The following TANK variants were observed in gnomAD, a reference collection of about 807,000 sequenced individuals.
The protein encoded by TANK is TRAF family member-associated NF-kappa-B activator.
In TANK, 15 loss-of-function variants were observed where a neutral mutation model predicts 43.6. The observed-to-expected ratio is 0.34, with a 90% CI of 0.23 to 0.53. TANK has a LOEUF of 0.53. TANK is among the 20% of genes least tolerant of loss of function. The probability of loss-of-function intolerance (pLI) is 0.94; values close to 1 mark genes in which losing one functional copy is unlikely to be tolerated. For synonymous variants in TANK, 162 were observed against 178.2 expected (o/e 0.91, Z 0.73); for missense variants, 417 against 498.6 (o/e 0.84, Z 1.56).
intron 6 of TANK, among the ~76,000 whole-genome samples, chr2:161,225,811 G>A (rs1687586301): frequency 6.6e-6 from 1 of 152,054 alleles, no homozygotes. Context: ...TCATTTTATA[G>A]TGTAAATTCA....
chr2:161,214,739 A>G (rs749759981), intron 4 of TANK, among the ~76,000 whole-genome samples: 1 of 152,180 alleles, frequency 6.6e-6, no homozygotes, highest in Non-Finnish European at 1.5e-5. Context: ...CTTACAAGCT[A>G]ATAAGTTAGT....
At chr2:161,214,984 T>A (rs549724438) in intron 4 of TANK, among the ~76,000 whole-genome samples, 10 of 152,314 alleles carry the variant, frequency 6.6e-5, no homozygotes, top group Admixed American at 2.6e-4. Flanking sequence ...CTGCTCTTTG[T>A]CCAAGAGGGA....
Position 161,231,105 on chromosome 2 carries a change from A to G in TANK, c.655A>G (p.Arg219Gly), listed in dbSNP as rs371117404. Residue 219 changes from arginine (R) to glycine (G), a missense_variant, in exon 7 of 8, where the codon AGA becomes GGA. Arg to Gly is a moderately radical substitution (Grantham distance 125). Transcript: ENST00000392749. ...ITSVTPRGLCRDEEDTSFESL... is the reference protein window; with the variant it reads ...ITSVTPRGLCGDEEDTSFESL... ...ATCTGTCACACCAAGAGGACTGTGCAGAGATGAGGAAGACACCTCTTTTGA... is the reference window on the plus strand; with the variant it reads ...ATCTGTCACACCAAGAGGACTGTGCGGAGATGAGGAAGACACCTCTTTTGA... The G allele has an allele frequency of 9.9e-6, 16 of 1,614,080 alleles. No homozygotes were observed. The East Asian group carries it at 1.1e-4, about 11-fold the overall frequency.
chr2:161,212,688 T>G (rs1686944951), intron 4 of TANK: 2 of 985,134 alleles, frequency 2.0e-6, no homozygotes, highest in Non-Finnish European at 2.4e-6. Flanking sequence ...TTTCTCACAC[T>G]TCTCTTTATT....
intron 1 of TANK, among the ~76,000 whole-genome samples, chr2:161,164,252 A>G (rs929961427): frequency 6.6e-6 from 1 of 152,174 alleles, no homozygotes; most frequent in Non-Finnish European, 1.5e-5. Flanking sequence ...ATTGACTGTT[A>G]CTGTTTATCC....
intron 1 of TANK, among the ~76,000 whole-genome samples, chr2:161,141,014 G>A (rs1382238262): frequency 6.6e-6 from 1 of 152,030 alleles, no homozygotes; most frequent in African/African-American, 2.4e-5. Context: ...ATTAACTCAA[G>A]TCCATAGTTT....
At chr2:161,220,769 T>C (rs567087598) in intron 4 of TANK, among the ~76,000 whole-genome samples, 1 of 152,346 alleles carries the variant, frequency 6.6e-6, no homozygotes, top group Admixed American at 6.5e-5. Flanking sequence ...GTATCAACTA[T>C]AACAAAAGCA....
rs867249719 is a variant in TANK, at chr2:161,221,677, T to C, written c.328-2238T>C. The stretch of plus-strand genomic sequence containing the variant: ...AAACCGTTTACTTTTTTTTTTTTTT[T>C]CCCCCAAGTAACATGTTAAGAGGTG... On this transcript the variant is annotated intron_variant, in intron 4 of 7. Transcript: ENST00000392749. Among the ~76,000 whole-genome samples the C allele has an allele frequency of 3.4e-3, 509 of 151,638 alleles. 1 individual carries two copies. The highest frequency in any genetic ancestry group is 0.02 in the Middle Eastern group (6 of 294).
rs557866117 is a variant in TANK, at chr2:161,150,281, A to G, written c.-50+13218A>G. ...TGATCTACAACTGTTCCATAACATA[A>G]TATTTATAATACTTTGTATTTCTAT... On this transcript the variant is annotated intron_variant, in intron 1 of 7. Coordinates refer to the TANK transcript ENST00000259075. Among the ~76,000 whole-genome samples the G allele has an allele frequency of 2.7e-4, 41 of 152,234 alleles. No individual in the cohort carries two copies. The South Asian group carries it at 8.1e-3, about 30-fold the overall frequency.
At chr2:161,218,708 C>A (rs182265641) in intron 4 of TANK, among the ~76,000 whole-genome samples, 4 of 152,300 alleles carry the variant, frequency 2.6e-5, no homozygotes, top group Non-Finnish European at 5.9e-5. Context: ...GTAATACATG[C>A]AAATTGCTTA....
chr2:161,196,850 G>T (rs554318557), intron 2 of TANK, among the ~76,000 whole-genome samples: 55 of 152,278 alleles, frequency 3.6e-4, no homozygotes, highest in African/African-American at 1.3e-3. Context: ...TTCCTCATCT[G>T]TAAAATGTGG....
At chr2:161,207,600 C>CT (rs1686706060) in intron 4 of TANK, 1 of 985,116 alleles carries the variant, frequency 1.0e-6, no homozygotes, top group Non-Finnish European at 1.2e-6. Flanking sequence ...TGGCTGTGTG[C>CT]TTAGTGTAAA....
chr2:161,176,943 A>T (rs772104967), intron 1 of TANK, among the ~76,000 whole-genome samples: 8 of 152,172 alleles, frequency 5.3e-5, no homozygotes, highest in Non-Finnish European at 1.0e-4. Context: ...ATTATAGTAT[A>T]TTATAGTCCC....
intron 1 of TANK, among the ~76,000 whole-genome samples, chr2:161,149,446 C>G (rs1356540548): frequency 6.6e-6 from 1 of 152,122 alleles, no homozygotes; most frequent in Non-Finnish European, 1.5e-5. Context: ...ATAGTTTTAC[C>G]TCTTCCTTTC....
At chr2:161,157,222 G>C (rs748584301), upstream of TANK, among the ~76,000 whole-genome samples, 13 of 152,188 alleles carry the variant, frequency 8.5e-5, no homozygotes, top group Non-Finnish European at 1.6e-4. Flanking sequence ...CAGCTTCACA[G>C]TTCTTGCAAT....
At chr2:161,213,771 AT>A (rs1687000768) in intron 4 of TANK, among the ~76,000 whole-genome samples, 1 of 150,402 alleles carries the variant, frequency 6.6e-6, no homozygotes, top group Non-Finnish European at 1.5e-5. Context: ...GGGGAAGAGT[AT>A]TTTAATAGCT....
intron 2 of TANK, among the ~76,000 whole-genome samples, chr2:161,192,651 A>C (rs1327021247): frequency 3.3e-5 from 5 of 152,212 alleles, no homozygotes. Flanking sequence ...GAAGTAGCGC[A>C]CTAATCTCAA....
intron 7 of TANK, among the ~76,000 whole-genome samples, chr2:161,232,380 C>T (rs1319624013): frequency 1.3e-5 from 2 of 152,034 alleles, no homozygotes; most frequent in African/African-American, 4.8e-5. Context: ...TTCTCTTTGC[C>T]TTGAGATATT....
At chr2:161,151,869 T>A (rs886940831) in intron 1 of TANK, among the ~76,000 whole-genome samples, 1 of 152,168 alleles carries the variant, frequency 6.6e-6, no homozygotes, top group Non-Finnish European at 1.5e-5. Flanking sequence ...CTTCCAATAC[T>A]GTCTTATTTT....
Sources: allele counts gnomAD v4.1 joint callset (sites outside exome capture counted in the v4.1 genomes callset), GRCh38; gene constraint gnomAD v4.1.1; transcripts MANE v1.5; gene names NCBI Gene and HGNC (gene_info 2026-07-23, HGNC 2026-07-21).